MYOM1: variants seen among roughly 807,000 people sequenced by gnomAD.
MYOM1 encodes myomesin 1.
Under a neutral mutation model 205.3 loss-of-function variants are expected in MYOM1, and 164 were observed. That is an observed-to-expected ratio of 0.80 (90% CI 0.70 to 0.91). The LOEUF is 0.91. Among genes scored for constraint, MYOM1 ranks in the 40% least tolerant of loss-of-function variants. The pLI is 0.00. For synonymous variants in MYOM1, 772 were observed against 789.4 expected (o/e 0.98, Z 0.37); for missense variants, 2,011 against 2,127.3 (o/e 0.95, Z 1.08).
At chr18:3,225,027 AC>A in the MYOM1 span, among the ~76,000 whole-genome samples, 1 of 146,624 alleles carries the variant, frequency 6.8e-6, no homozygotes, top group Non-Finnish European at 1.5e-5. Context: ...TCGCTCTTTC[AC>A]CCAGGCTGGA....
intron 9 of MYOM1, among the ~76,000 whole-genome samples, chr18:3,164,989 T>C (rs2080447151): frequency 1.3e-5 from 2 of 152,332 alleles, no homozygotes; most frequent in South Asian, 4.1e-4. Flanking sequence ...TATTTATAAA[T>C]GCAAGCTCAT....
chr18:3,246,002 C>T, the MYOM1 span: 463 of 152,370 alleles, frequency 3.0e-3, 1 homozygote, highest in South Asian at 6.4e-3. Context: ...GCCACAGCCC[C>T]CACCACAGTG....
At chr18:3,177,596 C>G (rs1283024336) in intron 5 of MYOM1, among the ~76,000 whole-genome samples, 2 of 151,970 alleles carry the variant, frequency 1.3e-5, no homozygotes, top group African/African-American at 4.8e-5. Context: ...CTCAGCCTCC[C>G]CAGTAGCTGG....
intron 3 of MYOM1, among the ~76,000 whole-genome samples, chr18:3,193,408 G>A (rs909831925): frequency 2.5e-4 from 35 of 142,540 alleles, no homozygotes; most frequent in Non-Finnish European, 2.9e-4. Context: ...CCAACATTTT[G>A]TAGTTTTTGA....
At chr18:3,092,905 A>C (rs1001786498) in intron 26 of MYOM1, among the ~76,000 whole-genome samples, 39 of 152,186 alleles carry the variant, frequency 2.6e-4, no homozygotes, top group African/African-American at 8.4e-4. Flanking sequence ...TGAACACGTG[A>C]AGGGGAGTAC....
At chr18:3,138,474 G>A (rs2080003428) in intron 14 of MYOM1, among the ~76,000 whole-genome samples, 1 of 152,116 alleles carries the variant, frequency 6.6e-6, no homozygotes, top group African/African-American at 2.4e-5. Context: ...GCATGCTCTT[G>A]GCCTTGGTTT....
At chr18:3,100,240 T>G (rs768642502) in intron 24 of MYOM1, 37 bp from the exon 25 acceptor site, 6 of 1,613,648 alleles carry the variant, frequency 3.7e-6, no homozygotes, top group Middle Eastern at 1.7e-4. Flanking sequence ...AACCTTAAAC[T>G]ACTAAAATAA....
At chr18:3,077,048 C>T (rs909580837) in intron 34 of MYOM1, among the ~76,000 whole-genome samples, 7 of 150,636 alleles carry the variant, frequency 4.6e-5, no homozygotes, top group East Asian at 1.9e-4. Context: ...AGGGTCTTGC[C>T]GTTGCCCAGG....
chr18:3,133,768 T>G (rs2079911032), intron 16 of MYOM1, among the ~76,000 whole-genome samples: 1 of 152,244 alleles, frequency 6.6e-6, no homozygotes, highest in Non-Finnish European at 1.5e-5. Flanking sequence ...TGCTAAGTGT[T>G]TAACATCATA....
intron 17 of MYOM1, among the ~76,000 whole-genome samples, chr18:3,130,441 A>C (rs2079859080): frequency 6.6e-6 from 1 of 152,072 alleles, no homozygotes; most frequent in South Asian, 2.1e-4. Flanking sequence ...CTATATAATA[A>C]ATTTTATTTT....
intron 23 of MYOM1, among the ~76,000 whole-genome samples, chr18:3,101,311 A>G (rs2079372273): frequency 6.6e-6 from 1 of 152,234 alleles, no homozygotes. Flanking sequence ...TTGCTTTATC[A>G]TATCAATCCA....
Position 3,113,608 on chromosome 18 carries a change from C to T in MYOM1, c.3304-1196G>A, listed in dbSNP as rs192857377. ...TCAGCCTCCCACAGTGTTGGGATTACAGGAGTGAGCCACCATGCCTGGTTT... is the reference window on the plus strand; with the variant it reads ...TCAGCCTCCCACAGTGTTGGGATTATAGGAGTGAGCCACCATGCCTGGTTT... On this transcript the variant is annotated intron_variant, in intron 21 of 37. Coordinates refer to ENST00000356443, the MANE Select transcript of MYOM1 (RefSeq NM_003803.4). Among the ~76,000 whole-genome samples, 71 of 152,260 alleles carry T rather than the reference C, an allele frequency of 4.7e-4. 1 individual carries two copies. The highest frequency in any genetic ancestry group is 7.8e-4 in the Admixed American group (12 of 15,302).
chr18:3,190,594 C>T (rs1183322178), intron 3 of MYOM1: 1 of 152,044 alleles, frequency 6.6e-6, no homozygotes, highest in Non-Finnish European at 1.5e-5. Context: ...AGTAATATGT[C>T]CATTATTATT....
intron 17 of MYOM1, among the ~76,000 whole-genome samples, chr18:3,130,982 G>A (rs2079867303): frequency 1.3e-5 from 2 of 152,240 alleles, no homozygotes; most frequent in South Asian, 4.1e-4. Context: ...GCAAAAACAA[G>A]CCAGGCTCTG....
chr18:3,079,305 C>T lies in MYOM1; in HGVS notation c.4522G>A (p.Gly1508Arg), dbSNP rs780730209. 1.2e-5 allele frequency: 19 copies of T among 1,613,716 alleles called. No individual in the cohort carries two copies. The highest frequency in any genetic ancestry group is 2.2e-5 in the East Asian group (1 of 44,896). ...AIRYSDRVKT[G>R]VTGEQIWLQI... ...AGCCAGATCTGCTCTCCAGTGACCC[C>T]GGTCTTAACTCTGTCTGAGTACCTA... Residue 1508 changes from glycine (G) to arginine (R), a missense_variant, in exon 34 of 38, where the codon GGG (glycine) becomes AGG (arginine). Coordinates refer to ENST00000356443, the MANE Select transcript of MYOM1 (RefSeq NM_003803.4).
intron 2 of MYOM1, among the ~76,000 whole-genome samples, chr18:3,207,929 AAG>A (rs938437247): frequency 6.6e-6 from 1 of 152,200 alleles, no homozygotes; most frequent in African/African-American, 2.4e-5. Flanking sequence ...AGCCTGGTAA[AAG>A]AGTCAAGCAC....
intron 37 of MYOM1, among the ~76,000 whole-genome samples, chr18:3,069,922 C>T (rs1429338180): frequency 6.6e-6 from 1 of 152,122 alleles, no homozygotes; most frequent in Non-Finnish European, 1.5e-5. Flanking sequence ...CAAAAGAACC[C>T]CTGCAGTGGC....
At position 3,135,916 on chromosome 18, in the gene MYOM1, T is replaced by C. The variant is rs6506069; in HGVS notation, c.2026-186A>G. ...GTTCGTAGGATTCTCTAAATCAAAC[T>C]TGGCTTTTGATACGGTTTGGCTGTG... On this transcript the variant is annotated intron_variant, in intron 14 of 37. Coordinates refer to ENST00000356443, the MANE Select transcript of MYOM1 (RefSeq NM_003803.4). The surrounding 1 kb of genome is among the most constrained non-coding windows in gnomAD (Gnocchi z 4.1). Among the ~76,000 whole-genome samples, 11,113 of 152,198 alleles carry C rather than the reference T, an allele frequency of 0.073. 1,373 individuals carry two copies. The highest frequency in any genetic ancestry group is 0.25 in the African/African-American group (10,456 of 41,466).
At chr18:3,208,278 G>A (rs573785161) in intron 2 of MYOM1, among the ~76,000 whole-genome samples, 14 of 152,348 alleles carry the variant, frequency 9.2e-5, no homozygotes, top group Non-Finnish European at 1.3e-4. Flanking sequence ...GGGATGCCAA[G>A]GTGGGTGGAT....
Sources: gnomAD v4.1 joint callset for allele counts (sites outside exome capture counted in the v4.1 genomes callset) on GRCh38, gnomAD v4.1.1 for gene constraint, Gnocchi (gnomAD v3.1) non-coding constraint, MANE v1.5 for transcripts, NCBI Gene and HGNC (gene_info 2026-07-23, HGNC 2026-07-21) for gene names.